Variants in MLLT10 observed in about 807,000 individuals in gnomAD.
The protein encoded by MLLT10 is protein AF-10.
In MLLT10, 30 loss-of-function variants were observed where a neutral mutation model predicts 129.1. That is an observed-to-expected ratio of 0.23 (90% CI 0.17 to 0.32). The LOEUF (loss-of-function observed/expected upper bound fraction) is 0.32, where lower values mean the gene tolerates loss of function less well. Among genes scored for constraint, MLLT10 ranks in the 10% least tolerant of loss-of-function variants. The pLI, the probability that MLLT10 is intolerant of heterozygous loss-of-function variation, is 1.00. For missense variants in MLLT10, 1,119 were observed against 1,268.3 expected, an observed-to-expected ratio of 0.88 and a Z score of 1.79; for synonymous variants, 490 against 446.4, an observed-to-expected ratio of 1.10 and a Z score of -1.23.
At chr10:21,622,183 A>G (rs1180899164) in intron 8 of MLLT10, among the ~76,000 whole-genome samples, 1 of 133,680 alleles carries the variant, frequency 7.5e-6, no homozygotes. Context: ...TTTGAGATGA[A>G]GTATCGCTCT....
Position 21,609,218 on chromosome 10 carries a change from C to T in MLLT10, c.406-3130C>T, listed in dbSNP as rs115719570. On this transcript the variant is annotated intron_variant, in intron 5 of 22. Coordinates refer to ENST00000307729, the MANE Select transcript of MLLT10 (RefSeq NM_001195626.3). ...CACTTATTGTCCTTAACCTCTTAGCCAGTTACATTTTCACTCTTTCCTTTT... is the reference window on the plus strand; with the variant it reads ...CACTTATTGTCCTTAACCTCTTAGCTAGTTACATTTTCACTCTTTCCTTTT... Among the ~76,000 whole-genome samples, 589 of 152,310 alleles carry T rather than the reference C, an allele frequency of 3.9e-3. 3 individuals are homozygous for T. Among genetic ancestry groups the T allele is most frequent in the African/African-American group, 0.013 (560 of 41,558 alleles).
At chr10:21,650,428 A>G (rs2048909155) in intron 8 of MLLT10, among the ~76,000 whole-genome samples, 1 of 152,178 alleles carries the variant, frequency 6.6e-6, no homozygotes. Flanking sequence ...GCCTGAAAAT[A>G]TCTTACGTAC....
chr10:21,729,991 C>T (rs903832871), intron 16 of MLLT10, among the ~76,000 whole-genome samples: 1 of 152,128 alleles, frequency 6.6e-6, no homozygotes, highest in East Asian at 1.9e-4. Context: ...GGGCTGGGCA[C>T]GGTGGCTCAT....
chr10:21,656,919 G>A (rs1808192743), intron 9 of MLLT10, among the ~76,000 whole-genome samples: 1 of 152,130 alleles, frequency 6.6e-6, no homozygotes, highest in Admixed American at 6.6e-5. Context: ...GGAACACATA[G>A]GATTCTGTGT....
chr10:21,689,607 A>G (rs1165481892), intron 13 of MLLT10, among the ~76,000 whole-genome samples: 2 of 141,270 alleles, frequency 1.4e-5, no homozygotes, highest in East Asian at 4.0e-4. Context: ...TGTTTTATAT[A>G]TATATATATA....
chr10:21,680,966 A>C (rs191860074), intron 11 of MLLT10, among the ~76,000 whole-genome samples: 167 of 152,306 alleles, frequency 1.1e-3, no homozygotes, highest in African/African-American at 3.6e-3. Context: ...AAAAAAAAAA[A>C]AAAGATCTAA....
At chr10:21,717,498 TCCTCCTCCTCCTCCTCCACCA>T (rs1354817696) in intron 14 of MLLT10, among the ~76,000 whole-genome samples, 4 of 72,126 alleles carry the variant, frequency 5.5e-5, no homozygotes, top group Admixed American at 1.4e-4. Context: ...CTCCTCCTCC[TCCTCCTCCTCCTCCTCCACCA>T]CCTCCTCCTC....
intron 13 of MLLT10, among the ~76,000 whole-genome samples, chr10:21,691,748 A>C (rs1399528712): frequency 6.6e-6 from 1 of 152,180 alleles, no homozygotes; most frequent in Non-Finnish European, 1.5e-5. Context: ...ATAATAGTCA[A>C]AGCAAGGAAC....
At chr10:21,640,355 CAT>C (rs1024698835) in intron 8 of MLLT10, among the ~76,000 whole-genome samples, 103 of 146,000 alleles carry the variant, frequency 7.1e-4, no homozygotes, top group African/African-American at 1.0e-3. Flanking sequence ...TATACACACA[CAT>C]ATATGTGTGT....
At chr10:21,733,737 T>C (rs1189100608) in intron 19 of MLLT10, 31 bp from the exon 20 acceptor site, 1 of 1,576,812 alleles carries the variant, frequency 6.3e-7, no homozygotes, top group South Asian at 1.2e-5. Context: ...TAATGTCCAG[T>C]GGACTTAGTT....
Position 21,624,511 on chromosome 10 carries a change from TA to T in MLLT10, c.699+7307del, listed in dbSNP as rs1208301076. 10 of 863,404 alleles carry T rather than the reference TA, an allele frequency of 1.2e-5. No individual in the cohort carries two copies. The African/African-American group carries it at 1.7e-4, about 15-fold the overall frequency. 53.5% of individuals were successfully genotyped at this position (863,404 alleles called of 1,614,324 possible). A position where few individuals can be genotyped will look rare whatever the true frequency, so the allele number is the denominator to read the frequency against. On this transcript the variant is annotated intron_variant, in intron 8 of 22. Coordinates refer to ENST00000307729, the MANE Select transcript of MLLT10 (RefSeq NM_001195626.3). ...AATTGCTACTTAAAGATGAAACAGT[TA>T]AACAAAATTTTTTTTGAAGAATGTA...
intron 13 of MLLT10, among the ~76,000 whole-genome samples, chr10:21,703,575 C>T (rs181815331): frequency 7.9e-5 from 12 of 151,794 alleles, no homozygotes; most frequent in Admixed American, 2.0e-4. Flanking sequence ...GACAGAGTCT[C>T]GCTTTGTCAC....
At chr10:21,586,383 GA>G in intron 4 of MLLT10, 35 bp downstream of exon 4, 1 of 1,406,162 alleles carries the variant, frequency 7.1e-7, no homozygotes. Flanking sequence ...AAATTTTATT[GA>G]AAACTGGGAC....
chr10:21,636,550 A>G lies in MLLT10; in HGVS notation c.700-15123A>G, dbSNP rs561005360. ...ATTTTTTATGTTTTAATGTTCTTTT[A>G]TAGTGCCTAATATGATTTCTTTTCT... On this transcript the variant is annotated intron_variant, in intron 8 of 22. Transcript: ENST00000307729. Among the ~76,000 whole-genome samples the G allele has an allele frequency of 7.3e-5, 11 of 150,932 alleles. No individual in the cohort carries two copies. The South Asian group carries it at 2.3e-3, about 32-fold the overall frequency.
chr10:21,736,711 A>G (rs754650236), intron 21 of MLLT10, among the ~76,000 whole-genome samples: 1 of 152,212 alleles, frequency 6.6e-6, no homozygotes, highest in Non-Finnish European at 1.5e-5. Flanking sequence ...TTGGAGAGAA[A>G]AATAGGTGTC....
At chr10:21,741,891 A>G (rs1208150864) in intron 22 of MLLT10, 48 bp from the exon 23 acceptor site, 1 of 1,581,000 alleles carries the variant, frequency 6.3e-7, no homozygotes, top group Non-Finnish European at 8.6e-7. Flanking sequence ...GGAGAATATT[A>G]TCAAAAGTTG....
At chr10:21,595,753 G>A (rs1374801695) in intron 5 of MLLT10, among the ~76,000 whole-genome samples, 5 of 152,086 alleles carry the variant, frequency 3.3e-5, no homozygotes, top group South Asian at 4.2e-4. Flanking sequence ...AGTATCAAGA[G>A]CCTGTTAAAT....
Position 21,673,442 on chromosome 10 carries a change from C to G in MLLT10, c.1144C>G (p.Leu382Val), listed in dbSNP as rs775300926. ...QDFLSFTDSD[L>V]RNDSYSHSQQ... ...TTTCCTGAGCTTTACAGACTCAGAT[C>G]TGCGTAATGACAGTTACTCTCACTC... Residue 382 changes from leucine to valine, a missense_variant, in exon 11 of 23, where the codon CTG (leucine) becomes GTG (valine). Around this residue, in one of 5 missense-constraint regions of MLLT10, gnomAD observed 1,004 missense variants for 1,008.7 expected, o/e 1.00. Coordinates refer to ENST00000307729, the MANE Select transcript of MLLT10 (RefSeq NM_001195626.3). 2 of 1,612,782 alleles carry G rather than the reference C, an allele frequency of 1.2e-6. No homozygotes were observed. Among genetic ancestry groups the G allele is most frequent in the South Asian group, 2.2e-5 (2 of 90,988 alleles).
At chr10:21,620,266 A>G (rs755161816) in intron 8 of MLLT10, among the ~76,000 whole-genome samples, 3 of 152,122 alleles carry the variant, frequency 2.0e-5, no homozygotes, top group Non-Finnish European at 2.9e-5. Flanking sequence ...AGTTGTCTTG[A>G]AAATATGCCT....
Sources: gnomAD v4.1 joint callset for allele counts (sites outside exome capture counted in the v4.1 genomes callset) on GRCh38, gnomAD v4.1.1 for gene constraint, gnomAD v4.1.1 regional missense constraint, MANE v1.5 for transcripts, NCBI Gene and HGNC (gene_info 2026-07-23, HGNC 2026-07-21) for gene names.